Variants in TMEM156 observed in about 807,000 individuals in gnomAD.
TMEM156 encodes the protein transmembrane protein 156.
TMEM156 carries 28 observed loss-of-function variants against 30.5 expected under a neutral mutation model. The observed-to-expected ratio is 0.92, with a 90% CI of 0.68 to 1.26. The LOEUF (loss-of-function observed/expected upper bound fraction) is 1.26. Ranked by LOEUF, TMEM156 falls within the 50% of genes most tolerant of loss-of-function variation. The pLI, the probability that TMEM156 is intolerant of heterozygous loss-of-function variation, is 0.00. For synonymous variants in TMEM156, 137 were observed against 119.9 expected, an observed-to-expected ratio of 1.14 and a Z score of -0.93; for missense variants, 351 against 340.6, an observed-to-expected ratio of 1.03 and a Z score of -0.24.
intron 1 of TMEM156, among the ~76,000 whole-genome samples, chr4:39,000,366 T>TGG (rs1713251846): frequency 6.6e-6 from 1 of 152,144 alleles, no homozygotes; most frequent in African/African-American, 2.4e-5. Context: ...CACTTCAGCT[T>TGG]GGGCAACAAA....
In TMEM156 at chr4:38,997,077, C is replaced by T. The variant is rs1262796377; in HGVS notation, c.358+1563G>A. On this transcript the variant is annotated intron_variant, in intron 2 of 6. Transcript: ENST00000381938. ...TTGGGGGTACTTTATTACAGAGCCA[C>T]AGCAACTGGGACAATGTGTCAATGT... Among the ~76,000 whole-genome samples, 7 of 152,326 alleles carry T rather than the reference C, an allele frequency of 4.6e-5. No homozygotes were observed. The East Asian group carries it at 1.3e-3, about 29-fold the overall frequency.
intron 1 of TMEM156, among the ~76,000 whole-genome samples, chr4:39,027,139 G>C (rs990849495): frequency 1.3e-5 from 2 of 151,988 alleles, no homozygotes; most frequent in Non-Finnish European, 2.9e-5. Context: ...CATATTACTG[G>C]CACATGTAAA....
intron 5 of TMEM156, among the ~76,000 whole-genome samples, chr4:38,985,252 G>A (rs1464936766): frequency 6.6e-6 from 1 of 152,164 alleles, no homozygotes; most frequent in African/African-American, 2.4e-5. Context: ...GATTTTCATT[G>A]ACTGGACAAA....
At chr4:39,005,214 T>C (rs956084605) in intron 1 of TMEM156, among the ~76,000 whole-genome samples, 1 of 152,196 alleles carries the variant, frequency 6.6e-6, no homozygotes, top group Non-Finnish European at 1.5e-5. Flanking sequence ...AATGGAGCTT[T>C]GTAATGTACG....
chr4:39,021,557 T>C (rs1373883333), intron 1 of TMEM156, among the ~76,000 whole-genome samples: 1 of 152,170 alleles, frequency 6.6e-6, no homozygotes, highest in African/African-American at 2.4e-5. Flanking sequence ...ATTAAACCCT[T>C]ATATATATGG....
chr4:39,026,960 G>T (rs1715237112), intron 1 of TMEM156, among the ~76,000 whole-genome samples: 1 of 152,040 alleles, frequency 6.6e-6, no homozygotes, highest in South Asian at 2.1e-4. Context: ...TTTTTAAAAA[G>T]AAGCAAAATC....
At chr4:39,031,406 A>G (rs1241550073) in intron 1 of TMEM156, among the ~76,000 whole-genome samples, 1 of 152,200 alleles carries the variant, frequency 6.6e-6, no homozygotes, top group Non-Finnish European at 1.5e-5. Context: ...ATACACATAC[A>G]TCTGTTTAAA....
At chr4:39,017,338 C>T (rs1263554022) in intron 1 of TMEM156, among the ~76,000 whole-genome samples, 1 of 151,514 alleles carries the variant, frequency 6.6e-6, no homozygotes, top group Non-Finnish European at 1.5e-5. Context: ...CCACGCCTGG[C>T]TAATTTTTTT....
At chr4:38,987,007 C>T (rs1203086724) in intron 4 of TMEM156, among the ~76,000 whole-genome samples, 4 of 151,834 alleles carry the variant, frequency 2.6e-5, no homozygotes, top group Non-Finnish European at 4.4e-5. Flanking sequence ...CTTGGATTTG[C>T]AAGCCTTTGA....
intron 5 of TMEM156, among the ~76,000 whole-genome samples, chr4:38,984,997 C>CG (rs1553877719): frequency 6.6e-6 from 1 of 151,280 alleles, no homozygotes; most frequent in East Asian, 2.0e-4. Context: ...TATGGGTTGA[C>CG]GGGGGAACTA....
At chr4:39,017,171 CT>C (rs1159565890) in intron 1 of TMEM156, among the ~76,000 whole-genome samples, 6,133 of 90,910 alleles carry the variant, frequency 0.067, 109 homozygotes, top group South Asian at 0.22. Context: ...TGTATTTCTT[CT>C]TTTTTTTTTT....
intron 1 of TMEM156, among the ~76,000 whole-genome samples, chr4:39,027,031 A>C (rs1715240950): frequency 1.3e-5 from 2 of 152,224 alleles, no homozygotes; most frequent in Non-Finnish European, 2.9e-5. Flanking sequence ...TTTTCAGAAC[A>C]TTCTCTCTTG....
At chr4:38,969,010 T>G (rs972500905) in intron 6 of TMEM156, among the ~76,000 whole-genome samples, 12 of 152,300 alleles carry the variant, frequency 7.9e-5, no homozygotes, top group African/African-American at 2.4e-4. Context: ...TTGTACAAAT[T>G]TATGGGGTAC....
intron 3 of TMEM156, among the ~76,000 whole-genome samples, chr4:38,992,760 A>ATT (rs1267974539): frequency 4.5e-5 from 3 of 66,520 alleles, no homozygotes; most frequent in Non-Finnish European, 2.9e-5. Context: ...ATATATATAT[A>ATT]TATTTTTTTT....
intron 1 of TMEM156, among the ~76,000 whole-genome samples, chr4:39,000,383 C>A (rs1398049690): frequency 6.6e-6 from 1 of 152,046 alleles, no homozygotes; most frequent in Non-Finnish European, 1.5e-5. Context: ...CAAAGGGAGA[C>A]CATGTCTCAA....
At chr4:39,003,897 T>C (rs144040678) in intron 1 of TMEM156, among the ~76,000 whole-genome samples, 1 of 152,278 alleles carries the variant, frequency 6.6e-6, no homozygotes, top group African/African-American at 2.4e-5. Context: ...TAGTGTAGTC[T>C]TCTTATTCAA....
chr4:39,029,582 C>T (rs1278735627), intron 1 of TMEM156, among the ~76,000 whole-genome samples: 1 of 34,210 alleles, frequency 2.9e-5, no homozygotes, highest in South Asian at 1.1e-3. Context: ...GGCGTGGTAG[C>T]GGGCGCCTGT....
chr4:39,009,795 T>C (rs1034145722), intron 1 of TMEM156, among the ~76,000 whole-genome samples: 1 of 152,200 alleles, frequency 6.6e-6, no homozygotes, highest in South Asian at 2.1e-4. Context: ...AACATTGTAC[T>C]GACCAGGCAA....
chr4:38,984,564 G>A (rs564888196), intron 5 of TMEM156, among the ~76,000 whole-genome samples: 8 of 151,724 alleles, frequency 5.3e-5, no homozygotes, highest in East Asian at 1.9e-4. Flanking sequence ...CATTTTTCCC[G>A]TACATTCTCA....
Sources: allele counts gnomAD v4.1 joint callset (sites outside exome capture counted in the v4.1 genomes callset), GRCh38; gene constraint gnomAD v4.1.1; transcripts MANE v1.5; gene names NCBI Gene and HGNC (gene_info 2026-07-23, HGNC 2026-07-21).